The following TTC7B variants were observed in gnomAD, a reference collection of about 807,000 sequenced individuals.
The protein encoded by TTC7B is tetratricopeptide repeat domain 7B.
Under a neutral mutation model 106.8 loss-of-function variants are expected in TTC7B, and 28 were observed. That is an observed-to-expected ratio of 0.26 (90% CI 0.19 to 0.36). The LOEUF is 0.36. TTC7B is among the 10% of genes least tolerant of loss of function. TTC7B has a pLI of 1.00. For missense variants in TTC7B, 862 were observed against 1,076.4 expected, an observed-to-expected ratio of 0.80 and a Z score of 2.79; for synonymous variants, 405 against 430.6, an observed-to-expected ratio of 0.94 and a Z score of 0.74.
intron 19 of TTC7B, among the ~76,000 whole-genome samples, chr14:90,549,211 G>A (rs1889970309): frequency 1.3e-5 from 2 of 152,212 alleles, no homozygotes; most frequent in Admixed American, 1.3e-4. Flanking sequence ...CCTCACTGGT[G>A]GAGTGGGACC....
At chr14:90,640,250 T>A (rs1056504710) in intron 15 of TTC7B, among the ~76,000 whole-genome samples, 8 of 150,956 alleles carry the variant, frequency 5.3e-5, no homozygotes. Context: ...CCAGCCTGGG[T>A]GACAGAGTGA....
At chr14:90,627,904 G>A (rs949032460) in intron 15 of TTC7B, among the ~76,000 whole-genome samples, 3 of 152,168 alleles carry the variant, frequency 2.0e-5, no homozygotes, top group African/African-American at 7.2e-5. Context: ...GAGATGACCT[G>A]GTCAGGTGCA....
intron 7 of TTC7B, among the ~76,000 whole-genome samples, chr14:90,681,744 TG>T (rs1887056891): frequency 6.6e-6 from 1 of 152,236 alleles, no homozygotes; most frequent in Non-Finnish European, 1.5e-5. Context: ...TGCAGTGACT[TG>T]CTTCAGAAGT....
rs534184738 is a variant in TTC7B, at chr14:90,766,646, G to T, written c.445+14092C>A. 8.5e-6 allele frequency: 10 copies of T among 1,180,200 alleles called. No individual in the cohort carries two copies. The African/African-American group carries it at 1.2e-4, about 14-fold the overall frequency. The allele number at this position is 1,180,200 out of a possible 1,614,324, so 73.1% of individuals were successfully genotyped here. A position where few individuals can be genotyped will look rare whatever the true frequency, so the allele number is the denominator to read the frequency against. ...CCTGCCATTAAGGGTGTGGGCCAAA[G>T]ATATGTTCATGTGGTGTTGAGGAAA... On this transcript the variant is annotated intron_variant, in intron 3 of 19. Transcript: ENST00000328459.
rs149775808 is a variant in TTC7B at position 90,711,149 on chromosome 14, T to C, written c.699-15571A>G. 9.0e-3 allele frequency among the ~76,000 whole-genome samples: 1,373 copies of C among 152,296 alleles called. 10 individuals are homozygous for C. The highest frequency in any genetic ancestry group is 0.014 in the Non-Finnish European group (965 of 68,024). ...GATATCAGAGGGTCATAGGAATATATAGGAATAAACTAATAAAAGCACCAG... is the reference window on the plus strand; with the variant it reads ...GATATCAGAGGGTCATAGGAATATACAGGAATAAACTAATAAAAGCACCAG... On this transcript the variant is annotated intron_variant, in intron 5 of 19. Coordinates refer to ENST00000328459, the MANE Select transcript of TTC7B (RefSeq NM_001010854.2).
intron 19 of TTC7B, among the ~76,000 whole-genome samples, chr14:90,545,651 T>C (rs1889798377): frequency 6.6e-6 from 1 of 152,340 alleles, no homozygotes; most frequent in East Asian, 1.9e-4. Context: ...GGCACCCTGC[T>C]GGAGTGGGGA....
chr14:90,754,006 T>C (rs191291560), intron 3 of TTC7B, among the ~76,000 whole-genome samples: 1 of 152,328 alleles, frequency 6.6e-6, no homozygotes, highest in Non-Finnish European at 1.5e-5. Context: ...AGTAACCCTA[T>C]AATAGTAATA....
At chr14:90,692,506 G>C (rs1887514696) in intron 6 of TTC7B, among the ~76,000 whole-genome samples, 1 of 152,224 alleles carries the variant, frequency 6.6e-6, no homozygotes. Context: ...AATGTCATTA[G>C]ATGGAGAAAC....
In TTC7B at chr14:90,736,400, G is replaced by A. The variant is rs183240924; in HGVS notation, c.577-6204C>T. ...AGCCTGGCCAACATGGTGAAACTCC[G>A]TCTCTACTAAAAATACAAAAAAATA... On this transcript the variant is annotated intron_variant, in intron 4 of 19. Transcript: ENST00000328459. Among the ~76,000 whole-genome samples the A allele has an allele frequency of 1.5e-3, 231 of 151,986 alleles. 1 individual carries two copies. The highest frequency in any genetic ancestry group is 5.4e-3 in the African/African-American group (225 of 41,450).
chr14:90,550,934 C>G (rs1446179021), intron 19 of TTC7B, among the ~76,000 whole-genome samples: 1 of 152,194 alleles, frequency 6.6e-6, no homozygotes, highest in Non-Finnish European at 1.5e-5. Context: ...CCAGCATACT[C>G]AGAGCCTCCT....
chr14:90,547,394 G>T (rs1402302127), intron 19 of TTC7B, among the ~76,000 whole-genome samples: 2 of 152,376 alleles, frequency 1.3e-5, no homozygotes, highest in African/African-American at 2.4e-5. Flanking sequence ...CTGTGCCAGA[G>T]CCCCGGAAGG....
chr14:90,595,999 G>T (rs1892186573), intron 17 of TTC7B, among the ~76,000 whole-genome samples: 1 of 152,118 alleles, frequency 6.6e-6, no homozygotes, highest in Non-Finnish European at 1.5e-5. Context: ...TCTAGAACAG[G>T]GGTTCTTAGA....
chr14:90,639,661 G>A (rs955229516), intron 15 of TTC7B, among the ~76,000 whole-genome samples: 9 of 152,104 alleles, frequency 5.9e-5, no homozygotes, highest in African/African-American at 2.2e-4. Flanking sequence ...CAAATCCTAC[G>A]ACCTAACTAT....
At chr14:90,616,688 A>T (rs551747852) in intron 16 of TTC7B, among the ~76,000 whole-genome samples, 37 of 150,822 alleles carry the variant, frequency 2.5e-4, no homozygotes, top group African/African-American at 8.5e-4. Flanking sequence ...GACTTTGAAC[A>T]TTTTTTTTTA....
chr14:90,588,886 T>TAA (rs572763059), intron 18 of TTC7B, among the ~76,000 whole-genome samples: 154 of 81,704 alleles, frequency 1.9e-3, no homozygotes, highest in African/African-American at 5.2e-3. Context: ...AAACAAAAAC[T>TAA]AAAAAAAAAA....
intron 15 of TTC7B, among the ~76,000 whole-genome samples, chr14:90,627,861 C>A (rs542145235): frequency 9.2e-5 from 14 of 152,222 alleles, no homozygotes; most frequent in Admixed American, 2.0e-4. Flanking sequence ...AATCTCCACT[C>A]AGATTGGCAT....
rs752987527 is a variant in TTC7B at position 90,578,070 on chromosome 14, C to T, written c.2310+36G>A. 10 of 1,574,616 alleles carry T rather than the reference C, an allele frequency of 6.4e-6. No individual in the cohort carries two copies. Among genetic ancestry groups the T allele is most frequent in the South Asian group, 1.2e-5 (1 of 86,440 alleles). On this transcript the variant is annotated intron_variant, in intron 19 of 19. Transcript: ENST00000328459. The surrounding 1 kb of genome is among the most constrained non-coding windows in gnomAD (Gnocchi z 4.7). The stretch of plus-strand genomic sequence containing the variant: ...GCCGCTTCCAAGGGCTGTCCCCATG[C>T]CAGAGTAGGGGCCACCGCCGGGCTC...
intron 3 of TTC7B, among the ~76,000 whole-genome samples, chr14:90,764,859 C>G (rs1890621225): frequency 6.6e-6 from 1 of 152,104 alleles, no homozygotes; most frequent in South Asian, 2.1e-4. Flanking sequence ...TGCAGGTGAG[C>G]TGCTTTGGAA....
At chr14:90,610,127 C>A (rs1219437366) in intron 17 of TTC7B, among the ~76,000 whole-genome samples, 1 of 152,218 alleles carries the variant, frequency 6.6e-6, no homozygotes, top group Non-Finnish European at 1.5e-5. Context: ...AAACCCAACA[C>A]ACTTCTGGTC....
Sources: gnomAD v4.1 joint callset for allele counts (sites outside exome capture counted in the v4.1 genomes callset) on GRCh38, gnomAD v4.1.1 for gene constraint, Gnocchi (gnomAD v3.1) non-coding constraint, MANE v1.5 for transcripts, NCBI Gene and HGNC (gene_info 2026-07-23, HGNC 2026-07-21) for gene names.